The following CSMD3 variants were observed in gnomAD, a reference collection of about 807,000 sequenced individuals.
The protein encoded by CSMD3 is CUB and sushi domain-containing protein 3.
CSMD3 carries 177 observed loss-of-function variants against 435.2 expected under a neutral mutation model. The ratio of observed to expected loss-of-function variants is 0.41; its 90% CI spans 0.36 to 0.46. CSMD3 has a LOEUF of 0.46. Among genes scored for constraint, CSMD3 ranks in the 20% least tolerant of loss-of-function variants. The probability of loss-of-function intolerance (pLI) is 0.34; values close to 1 mark genes in which losing one functional copy is unlikely to be tolerated. For missense variants in CSMD3, 4,265 were observed against 4,504.6 expected (o/e 0.95, Z 1.52); for synonymous variants, 1,656 against 1,520.5 (o/e 1.09, Z -2.07).
At chr8:113,308,456 G>C (rs2132637187) in intron 2 of CSMD3, among the ~76,000 whole-genome samples, 1 of 151,836 alleles carries the variant, frequency 6.6e-6, no homozygotes, top group South Asian at 2.1e-4. Flanking sequence ...TTTTAGTAAA[G>C]ACGGGCTTTC....
At chr8:112,936,257 CT>C (rs2083278170) in intron 9 of CSMD3, among the ~76,000 whole-genome samples, 1 of 151,930 alleles carries the variant, frequency 6.6e-6, no homozygotes, top group Non-Finnish European at 1.5e-5. Flanking sequence ...ATCTCTTCTC[CT>C]TGTGTCTCAT....
intron 1 of CSMD3, among the ~76,000 whole-genome samples, chr8:113,383,354 G>A (rs1477564930): frequency 6.6e-6 from 1 of 152,062 alleles, no homozygotes. Flanking sequence ...TTTTAACAAA[G>A]AAACATAAAG....
At chr8:113,182,198 A>G (rs777355697) in intron 3 of CSMD3, among the ~76,000 whole-genome samples, 1 of 152,034 alleles carries the variant, frequency 6.6e-6, no homozygotes, top group Non-Finnish European at 1.5e-5. Context: ...CCATAAGCTG[A>G]TTTTTAAAAA....
chr8:112,370,035 A>AGAAGAG (rs1563852453), intron 38 of CSMD3, among the ~76,000 whole-genome samples: 2 of 92,610 alleles, frequency 2.2e-5, no homozygotes, highest in Non-Finnish European at 4.6e-5. Context: ...AAGAAGAAGA[A>AGAAGAG]GAAGAAGAAG....
chr8:112,365,388 C>T (rs190103678), intron 38 of CSMD3, among the ~76,000 whole-genome samples: 58 of 138,300 alleles, frequency 4.2e-4, no homozygotes, highest in Admixed American at 7.4e-4. Context: ...GGTGAAGACA[C>T]AAATTGAGAA....
intron 4 of CSMD3, among the ~76,000 whole-genome samples, chr8:113,148,624 A>G (rs2091733325): frequency 6.6e-6 from 1 of 151,776 alleles, no homozygotes; most frequent in Admixed American, 6.6e-5. Context: ...TTAATACAAA[A>G]AACACTAAGC....
chr8:112,865,741 T>C (rs1444111643), intron 10 of CSMD3, among the ~76,000 whole-genome samples: 1 of 151,040 alleles, frequency 6.6e-6, no homozygotes, highest in East Asian at 1.9e-4. Flanking sequence ...CCATTGTTTA[T>C]TGTCTGTTTT....
At chr8:112,832,770 G>A (rs1330208613) in intron 11 of CSMD3, among the ~76,000 whole-genome samples, 1 of 152,104 alleles carries the variant, frequency 6.6e-6, no homozygotes, top group African/African-American at 2.4e-5. Context: ...CTTTCCTGTG[G>A]AAACTGTGAG....
At chr8:113,272,414 T>G (rs2093535729) in intron 3 of CSMD3, among the ~76,000 whole-genome samples, 1 of 152,212 alleles carries the variant, frequency 6.6e-6, no homozygotes, top group Non-Finnish European at 1.5e-5. Flanking sequence ...CCCCATACTG[T>G]TCTTGTGGTA....
At chr8:112,314,329 T>G (rs914664034) in intron 48 of CSMD3, 100 bp downstream of exon 48, 1 of 893,950 alleles carries the variant, frequency 1.1e-6, no homozygotes, top group Middle Eastern at 2.7e-4. Flanking sequence ...ATCTGTAAGA[T>G]AAACTCACAT....
intron 18 of CSMD3, among the ~76,000 whole-genome samples, chr8:112,650,755 C>G (rs1446915713): frequency 6.6e-6 from 1 of 152,114 alleles, no homozygotes; most frequent in Non-Finnish European, 1.5e-5. Context: ...AGGCATTTTG[C>G]AAGGTATGAA....
At chr8:112,997,205 T>C (rs1018523275) in intron 6 of CSMD3, among the ~76,000 whole-genome samples, 15 of 151,846 alleles carry the variant, frequency 9.9e-5, no homozygotes, top group Admixed American at 7.9e-4. Flanking sequence ...TATTCAAATA[T>C]AGAGATGGAA....
At chr8:112,353,847 A>G (rs761276683) in intron 38 of CSMD3, among the ~76,000 whole-genome samples, 14 of 152,186 alleles carry the variant, frequency 9.2e-5, no homozygotes, top group Non-Finnish European at 1.9e-4. Flanking sequence ...CTCGTTCTAC[A>G]AAGGCCACCA....
intron 59 of CSMD3, among the ~76,000 whole-genome samples, chr8:112,273,364 T>C (rs924114999): frequency 1.1e-4 from 16 of 152,170 alleles, no homozygotes; most frequent in South Asian, 8.3e-4. Flanking sequence ...ATGACTATTA[T>C]TGAAAACTTA....
chr8:112,927,714 T>C (rs942054476), intron 9 of CSMD3, among the ~76,000 whole-genome samples: 8 of 152,148 alleles, frequency 5.3e-5, no homozygotes, highest in African/African-American at 1.9e-4. Context: ...ATGAATACCA[T>C]GTTTTTTTAT....
chr8:112,504,556 A>G (rs1383986835), intron 29 of CSMD3, among the ~76,000 whole-genome samples: 1 of 152,110 alleles, frequency 6.6e-6, no homozygotes, highest in Non-Finnish European at 1.5e-5. Context: ...TGTATTAGGC[A>G]TTCTTTTTCC....
intron 7 of CSMD3, among the ~76,000 whole-genome samples, chr8:112,964,446 C>T (rs1203151141): frequency 1.3e-5 from 2 of 151,874 alleles, no homozygotes; most frequent in Admixed American, 6.6e-5. Context: ...TGAATGAAGA[C>T]ATCAACTATC....
intron 5 of CSMD3, among the ~76,000 whole-genome samples, chr8:113,060,397 T>G (rs1027472687): frequency 6.0e-5 from 9 of 151,212 alleles, no homozygotes; most frequent in Non-Finnish European, 1.3e-4. Flanking sequence ...TCTATCATTG[T>G]TGGACATCTG....
intron 19 of CSMD3, among the ~76,000 whole-genome samples, chr8:112,646,720 A>C (rs112299063): frequency 0.014 from 2,081 of 152,294 alleles, 46 homozygotes; most frequent in African/African-American, 0.047. Flanking sequence ...TATTTTTATA[A>C]CAAAGTGAAG....
Sources: allele counts gnomAD v4.1 joint callset (sites outside exome capture counted in the v4.1 genomes callset), GRCh38; gene constraint gnomAD v4.1.1; transcripts MANE v1.5; gene names NCBI Gene and HGNC (gene_info 2026-07-23, HGNC 2026-07-21).